Variants in TLN2 observed in about 807,000 individuals in gnomAD.
TLN2 encodes the protein talin 2.
TLN2 carries 118 observed loss-of-function variants against 294.7 expected under a neutral mutation model. The ratio of observed to expected loss-of-function variants is 0.40; its 90% CI spans 0.34 to 0.47. The LOEUF (loss-of-function observed/expected upper bound fraction) is 0.47, where lower values mean the gene tolerates loss of function less well. Among genes scored for constraint, TLN2 ranks in the 20% least tolerant of loss-of-function variants. TLN2 has a pLI of 0.84. For missense variants in TLN2, 3,083 were observed against 3,282.2 expected, an observed-to-expected ratio of 0.94 and a Z score of 1.48; for synonymous variants, 1,431 against 1,304.5, an observed-to-expected ratio of 1.10 and a Z score of -2.09.
intron 1 of TLN2, among the ~76,000 whole-genome samples, chr15:62,565,620 T>G (rs2140619887): frequency 6.6e-6 from 1 of 152,354 alleles, no homozygotes; most frequent in South Asian, 2.1e-4. Flanking sequence ...ACCCTTGTTT[T>G]GCTAGGCAAA....
At chr15:62,685,607 C>G (rs1057228392) in intron 11 of TLN2, among the ~76,000 whole-genome samples, 5 of 152,184 alleles carry the variant, frequency 3.3e-5, no homozygotes. Flanking sequence ...TAGTGACCCG[C>G]TTCACATCTT....
At chr15:62,515,548 T>A (rs930362407) in intron 1 of TLN2, among the ~76,000 whole-genome samples, 1 of 152,228 alleles carries the variant, frequency 6.6e-6, no homozygotes, top group Non-Finnish European at 1.5e-5. Flanking sequence ...GTGATGAGTG[T>A]TCTCCCTGAA....
At chr15:62,558,087 C>T (rs1400679006) in intron 1 of TLN2, among the ~76,000 whole-genome samples, 2 of 152,154 alleles carry the variant, frequency 1.3e-5, no homozygotes, top group African/African-American at 4.8e-5. Flanking sequence ...GAAGAAAAGA[C>T]TTTGCTAAAA....
At chr15:62,630,114 G>A (rs8029477) in intron 3 of TLN2, among the ~76,000 whole-genome samples, 141,893 of 152,230 alleles carry the variant, frequency 0.93, 66,253 homozygotes, top group East Asian at 1. Context: ...TACTGTCACA[G>A]GTAGCCTTTC....
intron 1 of TLN2, among the ~76,000 whole-genome samples, chr15:62,463,407 C>A (rs1282143919): frequency 6.6e-6 from 1 of 152,118 alleles, no homozygotes; most frequent in Non-Finnish European, 1.5e-5. Context: ...GCTTGTAAAT[C>A]TGAAATGATG....
At chr15:62,700,898 C>G (rs574950661) in intron 16 of TLN2, among the ~76,000 whole-genome samples, 95 of 152,242 alleles carry the variant, frequency 6.2e-4, no homozygotes, top group African/African-American at 2.2e-3. Context: ...ACATAAGACA[C>G]AAGGGAGAAT....
chr15:62,768,163 A>T (rs1025628788), intron 41 of TLN2, among the ~76,000 whole-genome samples: 9 of 152,204 alleles, frequency 5.9e-5, no homozygotes, highest in Non-Finnish European at 8.8e-5. Context: ...GGGAGTGATA[A>T]GAAATGCCAG....
intron 47 of TLN2, among the ~76,000 whole-genome samples, chr15:62,796,740 C>G (rs1208064078): frequency 1.3e-5 from 2 of 152,194 alleles, no homozygotes; most frequent in Non-Finnish European, 2.9e-5. Context: ...CACCACATGT[C>G]CTATACCTTT....
At chr15:62,681,474 T>C (rs994914809) in intron 11 of TLN2, among the ~76,000 whole-genome samples, 8 of 152,212 alleles carry the variant, frequency 5.3e-5, no homozygotes, top group African/African-American at 1.7e-4. Flanking sequence ...TAGAGCTGCT[T>C]ACATCATATT....
intron 1 of TLN2, among the ~76,000 whole-genome samples, chr15:62,501,878 A>G (rs1040368346): frequency 6.6e-6 from 1 of 152,212 alleles, no homozygotes; most frequent in Non-Finnish European, 1.5e-5. Context: ...TTTCCAAGGT[A>G]GGGAACTTAG....
At chr15:62,463,272 CCTTCTGGATCT>C (rs2036916328) in intron 1 of TLN2, among the ~76,000 whole-genome samples, 1 of 152,182 alleles carries the variant, frequency 6.6e-6, no homozygotes, top group Admixed American at 6.5e-5. Flanking sequence ...CTCTGTGTTC[CCTTCTGGATCT>C]CTTCCTCCCT....
intron 3 of TLN2, among the ~76,000 whole-genome samples, chr15:62,624,024 G>T (rs2049051977): frequency 1.3e-5 from 2 of 152,178 alleles, no homozygotes; most frequent in African/African-American, 2.4e-5. Flanking sequence ...CTTAACTACA[G>T]AGGAGCACAG....
At chr15:62,803,186 G>A (rs2066048586) in intron 50 of TLN2, among the ~76,000 whole-genome samples, 1 of 152,108 alleles carries the variant, frequency 6.6e-6, no homozygotes, top group Admixed American at 6.6e-5. Flanking sequence ...GAAGTCTGCT[G>A]CTAAGCATAT....
At chr15:62,773,862 A>G (rs2063513160) in intron 42 of TLN2, among the ~76,000 whole-genome samples, 1 of 152,172 alleles carries the variant, frequency 6.6e-6, no homozygotes, top group African/African-American at 2.4e-5. Context: ...TGTGCCTGAC[A>G]TAGTAGATAT....
At chr15:62,717,727 G>A in intron 24 of TLN2, 38 bp downstream of exon 24, 1 of 1,433,392 alleles carries the variant, frequency 7.0e-7, no homozygotes, top group Middle Eastern at 1.8e-4. Flanking sequence ...GTCAGCTGCA[G>A]ATGACCCTGA....
intron 1 of TLN2, among the ~76,000 whole-genome samples, chr15:62,501,517 C>A (rs1163183908): frequency 6.6e-6 from 1 of 152,164 alleles, no homozygotes; most frequent in African/African-American, 2.4e-5. Context: ...ACTCACACTG[C>A]CCCGGGAAAA....
chr15:62,724,168 G>A (rs902159933), intron 26 of TLN2, among the ~76,000 whole-genome samples: 2 of 152,078 alleles, frequency 1.3e-5, no homozygotes, highest in Admixed American at 6.6e-5. Context: ...AGAAAAAAGA[G>A]TGCAGGCTCT....
intron 38 of TLN2, 33 bp from the exon 39 acceptor site, chr15:62,762,239 C>T (rs1204583649): frequency 1.4e-5 from 23 of 1,612,268 alleles, no homozygotes; most frequent in Non-Finnish European, 1.8e-5. Flanking sequence ...TGTCTTCGAC[C>T]CTGACTTTGA....
At chr15:62,558,976 GCTT>G (rs1246827657) in intron 1 of TLN2, among the ~76,000 whole-genome samples, 2 of 152,172 alleles carry the variant, frequency 1.3e-5, no homozygotes, top group Admixed American at 6.5e-5. Flanking sequence ...TCCTGCATTT[GCTT>G]CTTCTTAATT....
Sources: allele counts gnomAD v4.1 joint callset (sites outside exome capture counted in the v4.1 genomes callset), GRCh38; gene constraint gnomAD v4.1.1; transcripts MANE v1.5; gene names NCBI Gene and HGNC (gene_info 2026-07-23, HGNC 2026-07-21).